Variants in ZNF451 observed in about 807,000 individuals in gnomAD.
ZNF451 encodes the protein zinc finger protein 451.
In ZNF451, 80 loss-of-function variants were observed where a neutral mutation model predicts 107.1. The observed-to-expected ratio is 0.75, with a 90% CI of 0.62 to 0.90. The LOEUF (loss-of-function observed/expected upper bound fraction) is 0.90, where lower values mean the gene tolerates loss of function less well. Among genes scored for constraint, ZNF451 ranks in the 40% least tolerant of loss-of-function variants. ZNF451 has a pLI of 0.00. For missense variants in ZNF451, 1,107 were observed against 1,236.2 expected (o/e 0.90, Z 1.57); for synonymous variants, 362 against 406.5 (o/e 0.89, Z 1.32).
chr6:57,153,005 G>C (rs1194128850), intron 12 of ZNF451, among the ~76,000 whole-genome samples: 1 of 152,136 alleles, frequency 6.6e-6, no homozygotes, highest in Non-Finnish European at 1.5e-5. Context: ...ATTTGCTTCT[G>C]TCTCTGCTGG....
intron 3 of ZNF451, chr6:57,101,859 T>C (rs953042383): frequency 3.2e-6 from 5 of 1,550,458 alleles, no homozygotes; most frequent in Non-Finnish European, 4.4e-6. Flanking sequence ...CCTTTGATGG[T>C]ACTTCCCTTT....
intron 3 of ZNF451, among the ~76,000 whole-genome samples, chr6:57,121,158 ATTGT>A (rs1830619310): frequency 6.6e-6 from 1 of 151,834 alleles, no homozygotes; most frequent in Non-Finnish European, 1.5e-5. Context: ...TCTCCATTGT[ATTGT>A]TTTTGCTCCT....
intron 13 of ZNF451, among the ~76,000 whole-genome samples, chr6:57,155,597 C>A (rs1763382866): frequency 6.6e-6 from 1 of 152,208 alleles, no homozygotes; most frequent in South Asian, 2.1e-4. Flanking sequence ...ACAAGGCCAA[C>A]CTCCCTTTCC....
intron 5 of ZNF451, among the ~76,000 whole-genome samples, chr6:57,129,673 G>C (rs1831090368): frequency 6.6e-6 from 1 of 151,988 alleles, no homozygotes; most frequent in African/African-American, 2.4e-5. Context: ...TACATGTATT[G>C]GTATTTAGCA....
intron 9 of ZNF451, among the ~76,000 whole-genome samples, chr6:57,144,487 C>A (rs1403536317): frequency 1.3e-5 from 2 of 151,764 alleles, no homozygotes. Context: ...GTGATCTGTC[C>A]GCCTCAGCCT....
chr6:57,154,116 A>C, intron 13 of ZNF451, 69 bp downstream of exon 13: 2 of 1,485,460 alleles, frequency 1.3e-6, no homozygotes, highest in Non-Finnish European at 1.9e-6. Flanking sequence ...GAAACCAATA[A>C]ACTGCTGTCC....
At chr6:57,124,217 G>A (rs1830794924) in intron 3 of ZNF451, among the ~76,000 whole-genome samples, 1 of 152,100 alleles carries the variant, frequency 6.6e-6, no homozygotes, top group African/African-American at 2.4e-5. Flanking sequence ...GTGGGTGCTG[G>A]ATTTTGTTAA....
At chr6:57,141,150 C>A in intron 7 of ZNF451, 152 bp from the exon 8 acceptor site, 1 of 691,188 alleles carries the variant, frequency 1.4e-6, no homozygotes, top group Non-Finnish European at 2.1e-6. Context: ...ATAAAAGTTC[C>A]ATAATTCACA....
At position 57,123,306 on chromosome 6, in the gene ZNF451, T is replaced by C. The variant is rs183178948; in HGVS notation, c.187-1428T>C. Among the ~76,000 whole-genome samples, 11 of 152,318 alleles carry C rather than the reference T, an allele frequency of 7.2e-5. No individual in the cohort carries two copies. The East Asian group carries it at 2.1e-3, about 29-fold the overall frequency. ...TAAAGAAAATGTGGTATATGTACAC[T>C]GTGGAATACTACACAGCCATAATAA... On this transcript the variant is annotated intron_variant, in intron 3 of 14. Coordinates refer to ENST00000370706, the MANE Select transcript of ZNF451 (RefSeq NM_001031623.3).
chr6:57,150,903 C>T (rs199756364), intron 11 of ZNF451, 41 bp downstream of exon 11: 2 of 1,610,578 alleles, frequency 1.2e-6, no homozygotes, highest in East Asian at 2.2e-5. Context: ...TTTTTCCCAC[C>T]TCTTAGAATA....
chr6:57,103,117 G>A (rs1374591990), intron 3 of ZNF451: 9 of 985,244 alleles, frequency 9.1e-6, no homozygotes, highest in African/African-American at 8.7e-5. Flanking sequence ...GATGTTACAC[G>A]ATCCAGGCAT....
In ZNF451 at chr6:57,105,536, G is replaced by A. The variant is rs1320267370; in HGVS notation, c.186+6395G>A. 5.1e-6 allele frequency: 5 copies of A among 985,202 alleles called. No homozygotes were observed. The African/African-American group carries it at 8.7e-5, about 17-fold the overall frequency. 61.0% of individuals were successfully genotyped at this position (985,202 alleles called of 1,614,324 possible). A position where few individuals can be genotyped will look rare whatever the true frequency, so the allele number is the denominator to read the frequency against. ...TATCTAAATGTACTCCCTTCTGAATGTTAATTTGTTTTCTTTATAGCACTG... is the reference window on the plus strand; with the variant it reads ...TATCTAAATGTACTCCCTTCTGAATATTAATTTGTTTTCTTTATAGCACTG... On this transcript the variant is annotated intron_variant, in intron 3 of 14. Transcript: ENST00000370706.
intron 3 of ZNF451, among the ~76,000 whole-genome samples, chr6:57,121,764 T>C (rs1041135943): frequency 6.6e-6 from 1 of 152,156 alleles, no homozygotes; most frequent in African/African-American, 2.4e-5. Flanking sequence ...TCCATGCTCA[T>C]GGATGGGAAG....
At chr6:57,093,306 G>C (rs1304647160) in intron 2 of ZNF451, among the ~76,000 whole-genome samples, 2 of 152,184 alleles carry the variant, frequency 1.3e-5, no homozygotes, top group African/African-American at 4.8e-5. Context: ...AGCATCATTG[G>C]AAGTCAGTGA....
intron 2 of ZNF451, among the ~76,000 whole-genome samples, chr6:57,093,558 A>AATG (rs1829150288): frequency 6.6e-6 from 1 of 152,198 alleles, no homozygotes; most frequent in Non-Finnish European, 1.5e-5. Flanking sequence ...TTTTAGTGTG[A>AATG]ATGATGAGAT....
chr6:57,160,608 T>TA (rs1353994723), intron 13 of ZNF451, among the ~76,000 whole-genome samples: 1 of 152,138 alleles, frequency 6.6e-6, no homozygotes, highest in Admixed American at 6.5e-5. Context: ...GTGCTGGAAT[T>TA]ACAGGTGTGA....
At chr6:57,124,495 T>C (rs1171439877) in intron 3 of ZNF451, 23 of 716,396 alleles carry the variant, frequency 3.2e-5, no homozygotes, top group East Asian at 2.7e-5. Context: ...TCTTCAGCTT[T>C]TAAGTGAATA....
intron 3 of ZNF451, chr6:57,124,499 G>A (rs1372008421): frequency 5.6e-6 from 4 of 716,146 alleles, no homozygotes; most frequent in Admixed American, 4.0e-5. Context: ...CAGCTTTTAA[G>A]TGAATAAAGA....
rs1829124903 is a variant in ZNF451 at position 57,093,036 on chromosome 6, A to G, written c.105+2142A>G. ...CAAGAAACAGAATGCTGCCATAACA[A>G]AAACTTCTTATTTAGGTCTGTTGTT... On this transcript the variant is annotated intron_variant, in intron 2 of 14. Coordinates refer to ENST00000370706, the MANE Select transcript of ZNF451 (RefSeq NM_001031623.3). 2.0e-5 allele frequency: 3 copies of G among 152,218 alleles called. No individual in the cohort carries two copies. In the South Asian group the frequency reaches 6.2e-4, roughly 32 times the overall value. 9.4% of individuals were successfully genotyped at this position (152,218 alleles called of 1,614,324 possible). A position where few individuals can be genotyped will look rare whatever the true frequency, so the allele number is the denominator to read the frequency against.
Sources: allele counts gnomAD v4.1 joint callset (sites outside exome capture counted in the v4.1 genomes callset), GRCh38; gene constraint gnomAD v4.1.1; transcripts MANE v1.5; gene names NCBI Gene and HGNC (gene_info 2026-07-23, HGNC 2026-07-21).